Variants in MED12L observed in about 807,000 individuals in gnomAD.
MED12L encodes mediator of RNA polymerase II transcription subunit 12-like protein.
MED12L carries 60 observed loss-of-function variants against 281.3 expected under a neutral mutation model. The ratio of observed to expected loss-of-function variants is 0.21; its 90% CI spans 0.17 to 0.26. MED12L has a LOEUF of 0.26. Among genes scored for constraint, MED12L ranks in the 10% least tolerant of loss-of-function variants. MED12L has a pLI of 1.00. For missense variants in MED12L, 2,146 were observed against 2,680.9 expected (o/e 0.80, Z 4.41); for synonymous variants, 974 against 987.2 (o/e 0.99, Z 0.25).
At chr3:151,147,508 G>A (rs1717903612) in intron 5 of MED12L, among the ~76,000 whole-genome samples, 2 of 152,174 alleles carry the variant, frequency 1.3e-5, no homozygotes, top group South Asian at 2.1e-4. Flanking sequence ...ATGCCCATGA[G>A]CAGTCACTCC....
At chr3:151,346,506 T>A (rs1307580085) in intron 16 of MED12L, among the ~76,000 whole-genome samples, 1 of 152,176 alleles carries the variant, frequency 6.6e-6, no homozygotes, top group Non-Finnish European at 1.5e-5. Flanking sequence ...TAGAGAAACT[T>A]CTTCTCCTTT....
chr3:151,307,599 G>T (rs1746876842), intron 16 of MED12L, among the ~76,000 whole-genome samples: 1 of 149,468 alleles, frequency 6.7e-6, no homozygotes, highest in African/African-American at 2.5e-5. Context: ...AGAGCAGATG[G>T]GGGGTTGATG....
chr3:151,433,142 G>T lies in MED12L; in HGVS notation c.*338G>T. The T allele has an allele frequency of 1.0e-5, 2 of 199,126 alleles. No individual in the cohort carries two copies. The highest frequency in any genetic ancestry group is 2.0e-5 in the Non-Finnish European group (2 of 98,596). 12.3% of individuals were successfully genotyped at this position (199,126 alleles called of 1,614,324 possible). Reference sequence around the variant, plus strand: ...AAAGAATGGATTATGATGGATCTAAGGTATTTATGTATTTCATTCATTAAT... The same window carrying T: ...AAAGAATGGATTATGATGGATCTAATGTATTTATGTATTTCATTCATTAAT... On this transcript the variant is annotated 3_prime_UTR_variant, in exon 45 of 45. Coordinates refer to ENST00000687756, the MANE Select transcript of MED12L (RefSeq NM_001393769.1).
At chr3:151,128,720 C>G (rs1576786984) in intron 5 of MED12L, among the ~76,000 whole-genome samples, 2 of 152,226 alleles carry the variant, frequency 1.3e-5, no homozygotes, top group East Asian at 3.8e-4. Flanking sequence ...CTCTCTTTCT[C>G]TCTTCTCCCT....
At chr3:151,167,596 A>T (rs1720883525) in intron 11 of MED12L, among the ~76,000 whole-genome samples, 1 of 152,210 alleles carries the variant, frequency 6.6e-6, no homozygotes, top group Admixed American at 6.5e-5. Flanking sequence ...ATGGTTCAAG[A>T]CTAATGGTGC....
intron 16 of MED12L, among the ~76,000 whole-genome samples, chr3:151,252,417 A>AT (rs1737037158): frequency 6.6e-6 from 1 of 152,078 alleles, no homozygotes; most frequent in South Asian, 2.1e-4. Context: ...ATAAATACTG[A>AT]TTTTTAATTG....
intron 16 of MED12L, among the ~76,000 whole-genome samples, chr3:151,313,145 G>A (rs545978263): frequency 1.4e-4 from 21 of 152,250 alleles, no homozygotes; most frequent in African/African-American, 2.4e-4. Flanking sequence ...TGAACAGAAC[G>A]TAAGCCCATC....
chr3:151,243,181 G>A (rs1439627473), intron 16 of MED12L, among the ~76,000 whole-genome samples: 1 of 152,012 alleles, frequency 6.6e-6, no homozygotes, highest in Non-Finnish European at 1.5e-5. Context: ...AACCAAGTTG[G>A]AAAACACTCT....
chr3:151,346,842 T>A (rs113568925), intron 16 of MED12L, among the ~76,000 whole-genome samples: 2 of 152,208 alleles, frequency 1.3e-5, no homozygotes, highest in African/African-American at 4.8e-5. Context: ...TACTGGACAT[T>A]TACACATTTC....
At chr3:151,244,766 T>C (rs1477296949) in intron 16 of MED12L, among the ~76,000 whole-genome samples, 1 of 151,806 alleles carries the variant, frequency 6.6e-6, no homozygotes, top group Admixed American at 6.6e-5. Flanking sequence ...ATAACTAAAA[T>C]CGGAGCAGAA....
At position 151,190,870 on chromosome 3, in the gene MED12L, G is replaced by A. The variant is rs368991764; in HGVS notation, c.1907G>A (p.Arg636Gln). 26 of 1,613,934 alleles carry A rather than the reference G, an allele frequency of 1.6e-5. No homozygotes were observed. Among genetic ancestry groups the A allele is most frequent in the Middle Eastern group, 1.6e-4 (1 of 6,084 alleles). ...DLSVTASTRP[R>Q]SPVGENADEH... ...TCAGTCACTGCCTCAACTCGGCCGCGGTCACCAGTAGGGGAAAATGCAGAT... is the reference window on the plus strand; with the variant it reads ...TCAGTCACTGCCTCAACTCGGCCGCAGTCACCAGTAGGGGAAAATGCAGAT... The change falls in exon 14 of 45, where the codon CGG becomes CAG. Residue 636 changes from arginine (R) to glutamine (Q), a missense_variant. Transcript: ENST00000687756.
chr3:151,412,862 A>G (rs573970312), intron 41 of MED12L, among the ~76,000 whole-genome samples: 4 of 152,182 alleles, frequency 2.6e-5, no homozygotes, highest in Non-Finnish European at 4.4e-5. Flanking sequence ...CTTCAAAGTA[A>G]ATGCTCAATT....
chr3:151,431,241 T>C (rs1227384886), intron 44 of MED12L, among the ~76,000 whole-genome samples: 1 of 152,238 alleles, frequency 6.6e-6, no homozygotes, highest in Non-Finnish European at 1.5e-5. Flanking sequence ...TCTTGGATTA[T>C]GTACTTGTGA....
chr3:151,317,169 T>C (rs1488577637), intron 16 of MED12L, among the ~76,000 whole-genome samples: 1 of 152,168 alleles, frequency 6.6e-6, no homozygotes, highest in Admixed American at 6.6e-5. Flanking sequence ...GAAAATATTA[T>C]TCTACATATT....
chr3:151,184,150 A>G (rs555659488), intron 11 of MED12L, among the ~76,000 whole-genome samples: 2 of 152,336 alleles, frequency 1.3e-5, no homozygotes, highest in East Asian at 3.9e-4. Context: ...TGGTTTGAGT[A>G]ACCATGTGTT....
At chr3:151,146,219 C>T (rs771573499) in intron 5 of MED12L, among the ~76,000 whole-genome samples, 25 of 152,140 alleles carry the variant, frequency 1.6e-4, no homozygotes, top group Non-Finnish European at 2.5e-4. Flanking sequence ...TGTGCACTAG[C>T]GTTTGAGGAA....
intron 16 of MED12L, among the ~76,000 whole-genome samples, chr3:151,249,410 G>A (rs985557548): frequency 6.6e-6 from 1 of 152,120 alleles, no homozygotes; most frequent in Non-Finnish European, 1.5e-5. Flanking sequence ...ACATCTGCAC[G>A]TTTCCTTCTT....
chr3:151,120,161 G>A lies in MED12L; in HGVS notation c.205-2622G>A, dbSNP rs753285423. 4.8e-4 allele frequency among the ~76,000 whole-genome samples: 73 copies of A among 152,030 alleles called. 1 individual carries two copies. Among genetic ancestry groups the A allele is most frequent in the Non-Finnish European group, 2.4e-4 (16 of 67,990 alleles). On this transcript the variant is annotated intron_variant, in intron 3 of 44. Transcript: ENST00000687756. ...GAATCGCTTGATCCCAGGAGGCAGA[G>A]GTTGTAGTGAGCCGAAATCACACCA...
At chr3:151,185,526 C>T (rs562873527) in intron 12 of MED12L, 65 bp downstream of exon 12, 16 of 1,547,780 alleles carry the variant, frequency 1.0e-5, no homozygotes, top group Non-Finnish European at 1.4e-5. Context: ...TGGGGAAGAT[C>T]ATTTTCTCTT....
Sources: allele counts gnomAD v4.1 joint callset (sites outside exome capture counted in the v4.1 genomes callset), GRCh38; gene constraint gnomAD v4.1.1; transcripts MANE v1.5; gene names NCBI Gene and HGNC (gene_info 2026-07-23, HGNC 2026-07-21).